Variants in ADAMTS17 observed in about 807,000 individuals in gnomAD.
The protein encoded by ADAMTS17 is ADAM metallopeptidase with thrombospondin type 1 motif 17.
In ADAMTS17, 113 loss-of-function variants were observed where a neutral mutation model predicts 141.5. That is an observed-to-expected ratio of 0.80 (90% CI 0.69 to 0.93). ADAMTS17 has a LOEUF of 0.93. ADAMTS17 is among the 40% of genes least tolerant of loss of function. The pLI, the probability that ADAMTS17 is intolerant of heterozygous loss-of-function variation, is 0.00. For missense variants in ADAMTS17, 1,659 were observed against 1,517.9 expected, an observed-to-expected ratio of 1.09 and a Z score of -1.54; for synonymous variants, 768 against 630.6, an observed-to-expected ratio of 1.22 and a Z score of -3.27.
chr15:100,274,664 C>T (rs887604052), intron 4 of ADAMTS17, among the ~76,000 whole-genome samples: 7 of 152,184 alleles, frequency 4.6e-5, no homozygotes, highest in African/African-American at 1.7e-4. Flanking sequence ...TTAATTTACA[C>T]TTCAAGTAAT....
intron 18 of ADAMTS17, among the ~76,000 whole-genome samples, chr15:100,032,837 T>G (rs920643286): frequency 2.0e-5 from 3 of 152,212 alleles, no homozygotes; most frequent in Non-Finnish European, 4.4e-5. Context: ...TACGTCGACT[T>G]TCCAGAGGGA....
chr15:100,099,129 C>G (rs1319225101), intron 14 of ADAMTS17, among the ~76,000 whole-genome samples: 3 of 152,208 alleles, frequency 2.0e-5, no homozygotes, highest in South Asian at 2.1e-4. Flanking sequence ...CAGGTGCAAA[C>G]AGGAATGCAT....
rs1171626606 is a variant in ADAMTS17 at position 100,162,916 on chromosome 15, GTA to G, written c.1182-7598_1182-7597del. Among the ~76,000 whole-genome samples, 64 of 141,672 alleles carry G rather than the reference GTA, an allele frequency of 4.5e-4. 1 individual carries two copies. The highest frequency in any genetic ancestry group is 6.9e-4 in the Non-Finnish European group (45 of 65,624). 92.9% of individuals were successfully genotyped at this position (141,672 alleles called of 152,430 possible). ...TATATAGAACTATATATGTATATGT[GTA>G]TATATATAACTATATATGTATATAT... On this transcript the variant is annotated intron_variant, in intron 8 of 21. Transcript: ENST00000268070.
At chr15:100,219,153 T>C (rs1340009868) in intron 7 of ADAMTS17, among the ~76,000 whole-genome samples, 2 of 152,210 alleles carry the variant, frequency 1.3e-5, no homozygotes, top group Non-Finnish European at 2.9e-5. Context: ...GGCAAATCCA[T>C]GGCAGCTTAG....
At chr15:100,285,196 G>C (rs2044407393) in intron 3 of ADAMTS17, among the ~76,000 whole-genome samples, 1 of 152,140 alleles carries the variant, frequency 6.6e-6, no homozygotes, top group East Asian at 1.9e-4. Context: ...AAAATTTTAT[G>C]TATTTATGTA....
intron 7 of ADAMTS17, among the ~76,000 whole-genome samples, chr15:100,247,998 CA>C (rs980621775): frequency 3.4e-4 from 52 of 152,132 alleles, no homozygotes; most frequent in African/African-American, 1.2e-3. Context: ...GTATCAGTGC[CA>C]GGGGTGACGC....
chr15:100,269,249 A>T (rs2043821521), intron 4 of ADAMTS17, among the ~76,000 whole-genome samples: 1 of 152,214 alleles, frequency 6.6e-6, no homozygotes. Context: ...CCTAAAAGCA[A>T]TTGTAACAAA....
chr15:100,139,703 C>T (rs1049964089), intron 10 of ADAMTS17, among the ~76,000 whole-genome samples: 2 of 152,170 alleles, frequency 1.3e-5, no homozygotes, highest in Non-Finnish European at 1.5e-5. Flanking sequence ...CCCAATAACG[C>T]GGAACCTCAA....
At chr15:100,110,824 C>T (rs147549334) in intron 13 of ADAMTS17, among the ~76,000 whole-genome samples, 3 of 152,236 alleles carry the variant, frequency 2.0e-5, no homozygotes, top group African/African-American at 7.2e-5. Context: ...GCTTCTGAGC[C>T]GACCTGGCCT....
chr15:100,200,536 C>A (rs1273508517), intron 7 of ADAMTS17, among the ~76,000 whole-genome samples: 2 of 152,188 alleles, frequency 1.3e-5, no homozygotes, highest in Non-Finnish European at 2.9e-5. Flanking sequence ...GGAAACCTGA[C>A]ATCCGCCCTC....
At chr15:100,089,031 C>G (rs1446167603) in intron 15 of ADAMTS17, among the ~76,000 whole-genome samples, 1 of 151,744 alleles carries the variant, frequency 6.6e-6, no homozygotes, top group Middle Eastern at 3.4e-3. Flanking sequence ...GCAAAAGAAA[C>G]TACCATCAGA....
At chr15:100,249,276 C>T (rs990745934) in intron 7 of ADAMTS17, among the ~76,000 whole-genome samples, 1 of 152,226 alleles carries the variant, frequency 6.6e-6, no homozygotes, top group African/African-American at 2.4e-5. Context: ...CCTTGTGTTT[C>T]AATCTTCACC....
At chr15:100,229,635 T>C (rs893157401) in intron 7 of ADAMTS17, among the ~76,000 whole-genome samples, 3 of 152,096 alleles carry the variant, frequency 2.0e-5, no homozygotes, top group Middle Eastern at 3.2e-3. Flanking sequence ...CCTCAAAGAA[T>C]CATATGATGT....
rs2044037326 is a variant in ADAMTS17 at position 100,275,158 on chromosome 15, G to A, written c.789+6071C>T. On this transcript the variant is annotated intron_variant, in intron 4 of 21. Transcript: ENST00000268070. ...AGAGTCCTAAAAGGCAGAGGAACTC[G>A]TTCCACAAGGCACGTAAGCAGAGCA... Among the ~76,000 whole-genome samples the A allele has an allele frequency of 2.0e-5, 3 of 152,200 alleles. No individual in the cohort carries two copies. In the South Asian group the frequency reaches 6.2e-4, roughly 32 times the overall value.
intron 8 of ADAMTS17, among the ~76,000 whole-genome samples, chr15:100,159,968 T>C (rs1030489445): frequency 6.6e-6 from 1 of 152,082 alleles, no homozygotes; most frequent in Non-Finnish European, 1.5e-5. Context: ...CTGGGGAAAA[T>C]CATCTGGGAA....
chr15:100,264,811 G>T lies in ADAMTS17; in HGVS notation c.790-2376C>A, dbSNP rs562231517. The stretch of plus-strand genomic sequence containing the variant: ...GGGAAAGTTTCGTGTTCCAGGGGCT[G>T]GGGGGAGGCAAAAATGGGAAGGTGT... On this transcript the variant is annotated intron_variant, in intron 4 of 21. Transcript: ENST00000268070. Among the ~76,000 whole-genome samples the T allele has an allele frequency of 1.1e-3, 173 of 152,028 alleles. 1 individual carries two copies. The highest frequency in any genetic ancestry group is 7.3e-3 in the South Asian group (35 of 4,808).
At chr15:100,051,347 G>T (rs1158688225) in intron 17 of ADAMTS17, among the ~76,000 whole-genome samples, 1 of 152,180 alleles carries the variant, frequency 6.6e-6, no homozygotes, top group African/African-American at 2.4e-5. Flanking sequence ...AGAGCTGTGG[G>T]GCCCTGGGCC....
At chr15:100,020,955 G>A (rs979684361) in intron 18 of ADAMTS17, among the ~76,000 whole-genome samples, 2 of 152,162 alleles carry the variant, frequency 1.3e-5, no homozygotes, top group East Asian at 1.9e-4. Context: ...AGTGCTGGGA[G>A]CTTCGCTGTT....
chr15:100,340,048 A>G (rs1219414267), intron 2 of ADAMTS17, among the ~76,000 whole-genome samples: 1 of 152,222 alleles, frequency 6.6e-6, no homozygotes. Context: ...ACAAACTAAT[A>G]TCAGAAACTG....
Sources: allele counts gnomAD v4.1 joint callset (sites outside exome capture counted in the v4.1 genomes callset), GRCh38; gene constraint gnomAD v4.1.1; transcripts MANE v1.5; gene names NCBI Gene and HGNC (gene_info 2026-07-23, HGNC 2026-07-21).